The following GLCE variants were observed in gnomAD, a reference collection of about 807,000 sequenced individuals.
GLCE encodes the protein D-glucuronyl C5-epimerase.
GLCE carries 19 observed loss-of-function variants against 47.9 expected under a neutral mutation model. The observed-to-expected ratio is 0.40, with a 90% CI of 0.28 to 0.58. The LOEUF (loss-of-function observed/expected upper bound fraction) is 0.58, where lower values mean the gene tolerates loss of function less well. Among genes scored for constraint, GLCE ranks in the 20% least tolerant of loss-of-function variants. The pLI is 0.48. For synonymous variants in GLCE, 245 were observed against 263.4 expected (o/e 0.93, Z 0.68); for missense variants, 556 against 743.3 (o/e 0.75, Z 2.93).
intron 1 of GLCE, among the ~76,000 whole-genome samples, chr15:69,173,835 A>G (rs2051622248): frequency 6.6e-6 from 1 of 152,194 alleles, no homozygotes. Context: ...AAAATCTGAA[A>G]TTATAGTATG....
At chr15:69,227,029 GC>G (rs2052459277) in intron 2 of GLCE, among the ~76,000 whole-genome samples, 2 of 152,036 alleles carry the variant, frequency 1.3e-5, no homozygotes, top group South Asian at 4.1e-4. Context: ...ACAGGCGTGA[GC>G]CACCATGCCC....
chr15:69,211,478 T>TA (rs960855769), intron 2 of GLCE, among the ~76,000 whole-genome samples: 4 of 152,064 alleles, frequency 2.6e-5, no homozygotes, highest in African/African-American at 9.6e-5. Context: ...AAGTTGGAGT[T>TA]ACGTTTCTCT....
chr15:69,186,919 T>A (rs1204235529), intron 1 of GLCE, among the ~76,000 whole-genome samples: 4 of 152,190 alleles, frequency 2.6e-5, no homozygotes, highest in Non-Finnish European at 5.9e-5. Flanking sequence ...AACCCCAGGG[T>A]TTCACATTGG....
At chr15:69,238,788 C>T (rs1297965039) in intron 2 of GLCE, among the ~76,000 whole-genome samples, 2 of 152,126 alleles carry the variant, frequency 1.3e-5, no homozygotes, top group Non-Finnish European at 2.9e-5. Context: ...AAATACATGC[C>T]TTCAGTGTGT....
chr15:69,254,366 G>T (rs1239622148), intron 2 of GLCE, among the ~76,000 whole-genome samples: 1 of 152,144 alleles, frequency 6.6e-6, no homozygotes, highest in East Asian at 1.9e-4. Flanking sequence ...AGAAGCAACA[G>T]CATCACATTT....
intron 2 of GLCE, among the ~76,000 whole-genome samples, chr15:69,221,456 C>T (rs753872616): frequency 2.0e-5 from 3 of 151,998 alleles, no homozygotes; most frequent in Non-Finnish European, 4.4e-5. Context: ...ATGTCTTTCA[C>T]CTCCTTGGTT....
At chr15:69,163,638 A>G (rs958070385) in intron 1 of GLCE, among the ~76,000 whole-genome samples, 3 of 152,234 alleles carry the variant, frequency 2.0e-5, no homozygotes, top group Non-Finnish European at 4.4e-5. Flanking sequence ...CTATAAGGAT[A>G]CACATCAGAC....
chr15:69,267,850 T>TTG (rs2053107324), intron 4 of GLCE, among the ~76,000 whole-genome samples: 2 of 151,508 alleles, frequency 1.3e-5, no homozygotes, highest in Non-Finnish European at 2.9e-5. Flanking sequence ...TGGCTTTTTT[T>TTG]TTTTTTTCTG....
intron 2 of GLCE, among the ~76,000 whole-genome samples, chr15:69,212,468 T>C (rs1413885443): frequency 6.6e-6 from 1 of 152,018 alleles, no homozygotes; most frequent in Non-Finnish European, 1.5e-5. Flanking sequence ...TAAAATCAAA[T>C]ACTGAGTCAT....
rs139580185 is a variant in GLCE at position 69,222,464 on chromosome 15, G to C, written c.-14+12058G>C. ...GGGTGCACAGATCAGGCTCACCCTG[G>C]TCCCACAGGAAAGAAAGCCCTGTTC... On this transcript the variant is annotated intron_variant, in intron 2 of 4. Transcript: ENST00000261858. 2.4e-3 allele frequency among the ~76,000 whole-genome samples: 367 copies of C among 152,280 alleles called. 4 individuals carry two copies. The highest frequency in any genetic ancestry group is 8.6e-3 in the African/African-American group (358 of 41,572).
At chr15:69,179,055 G>A (rs527381840) in intron 1 of GLCE, among the ~76,000 whole-genome samples, 1 of 152,282 alleles carries the variant, frequency 6.6e-6, no homozygotes, top group Non-Finnish European at 1.5e-5. Flanking sequence ...GTATGTGTTG[G>A]TGTAAATACA....
At chr15:69,267,877 A>C (rs1353229273) in intron 4 of GLCE, among the ~76,000 whole-genome samples, 1 of 145,328 alleles carries the variant, frequency 6.9e-6, no homozygotes, top group Non-Finnish European at 1.5e-5. Context: ...GAATGGGTAT[A>C]GTAGAATAGT....
chr15:69,246,817 G>A (rs189437109), intron 2 of GLCE, among the ~76,000 whole-genome samples: 8 of 152,172 alleles, frequency 5.3e-5, no homozygotes, highest in African/African-American at 1.2e-4. Flanking sequence ...CATTAATCTC[G>A]TTGTACATCT....
rs35017106 is a variant in GLCE at position 69,176,216 on chromosome 15, G to GTTTTTTTTTTTTTTTTTTTT, written c.-105+15464_-105+15483dup. Among the ~76,000 whole-genome samples the GTTTTTTTTTTTTTTTTTTTT allele has an allele frequency of 3.2e-5, 2 of 63,388 alleles. 1 individual carries two copies. Among genetic ancestry groups the GTTTTTTTTTTTTTTTTTTTT allele is most frequent in the Admixed American group, 5.6e-4 (2 of 3,558 alleles). The allele number at this position is 63,388 out of a possible 152,430, so 41.6% of individuals were successfully genotyped here. On this transcript the variant is annotated intron_variant, in intron 1 of 4. Transcript: ENST00000261858. ...ATCTAGTAGTTTTCAGTGGAACCTT[G>GTTTTTTTTTTTTTTTTTTTT]TTTTTTTTTTTTTTTTTTTTTTTTG...
At chr15:69,247,052 G>T (rs2052760787) in intron 2 of GLCE, among the ~76,000 whole-genome samples, 1 of 152,184 alleles carries the variant, frequency 6.6e-6, no homozygotes, top group Non-Finnish European at 1.5e-5. Context: ...GAATTATAAA[G>T]GAGCATTGGC....
chr15:69,245,821 TG>T (rs1278015983), intron 2 of GLCE, among the ~76,000 whole-genome samples: 1 of 152,092 alleles, frequency 6.6e-6, no homozygotes, highest in Non-Finnish European at 1.5e-5. Flanking sequence ...CTCCGTCTCC[TG>T]GGTTCAAGCA....
chr15:69,237,751 C>A (rs553837417), intron 2 of GLCE, among the ~76,000 whole-genome samples: 1 of 152,126 alleles, frequency 6.6e-6, no homozygotes, highest in African/African-American at 2.4e-5. Context: ...TGCAGGATGG[C>A]GCCAAACTTG....
At chr15:69,251,054 C>G (rs1275533142) in intron 2 of GLCE, among the ~76,000 whole-genome samples, 2 of 152,142 alleles carry the variant, frequency 1.3e-5, no homozygotes, top group East Asian at 3.9e-4. Flanking sequence ...CAAAACAGCC[C>G]CCTCCTTTTT....
chr15:69,178,351 G>A (rs2051702662), intron 1 of GLCE, among the ~76,000 whole-genome samples: 1 of 152,058 alleles, frequency 6.6e-6, no homozygotes, highest in Admixed American at 6.5e-5. Context: ...TTAATATGTT[G>A]TTTAAAATTT....
Sources: gnomAD v4.1 joint callset for allele counts (sites outside exome capture counted in the v4.1 genomes callset) on GRCh38, gnomAD v4.1.1 for gene constraint, MANE v1.5 for transcripts, NCBI Gene and HGNC (gene_info 2026-07-23, HGNC 2026-07-21) for gene names.